CAV2: variants seen among roughly 807,000 people sequenced by gnomAD.
The protein encoded by CAV2 is caveolin-2.
In CAV2, 7 loss-of-function variants were observed where a neutral mutation model predicts 15.5. That is an observed-to-expected ratio of 0.45 (90% CI 0.26 to 0.85). The LOEUF is 0.85. CAV2 is among the 40% of genes least tolerant of loss of function. The pLI is 0.18. For missense variants in CAV2, 229 were observed against 208.8 expected (o/e 1.10, Z -0.60); for synonymous variants, 76 against 83.1 (o/e 0.91, Z 0.46).
Position 116,506,247 on chromosome 7 carries a change from C to A in CAV2, c.*126C>A. ...TAAGAAAACTATTAAGATGAGCAAC[C>A]ACATTTAGAAATGTTTATTGACAGG... On this transcript the variant is annotated 3_prime_UTR_variant, in exon 3 of 3. Coordinates refer to ENST00000222693, the MANE Select transcript of CAV2 (RefSeq NM_001233.5). The A allele has an allele frequency of 1.2e-6, 1 of 860,788 alleles. No homozygotes were observed. The highest frequency in any genetic ancestry group is 1.8e-6 in the Non-Finnish European group (1 of 565,136). 53.3% of individuals were successfully genotyped at this position (860,788 alleles called of 1,614,324 possible). A position where few individuals can be genotyped will look rare whatever the true frequency, so the allele number is the denominator to read the frequency against.
intron 2 of CAV2, among the ~76,000 whole-genome samples, chr7:116,501,933 T>A (rs1481310231): frequency 6.6e-6 from 1 of 152,162 alleles, no homozygotes; most frequent in African/African-American, 2.4e-5. Flanking sequence ...ATTCTGACAT[T>A]TGCACTTGAA....
chr7:116,505,127 A>T (rs979216397), intron 2 of CAV2, among the ~76,000 whole-genome samples: 1 of 152,194 alleles, frequency 6.6e-6, no homozygotes, highest in African/African-American at 2.4e-5. Flanking sequence ...TTGTTTCAGT[A>T]CTTTAGAAAT....
chr7:116,504,699 AC>A (rs1793190664), intron 2 of CAV2, among the ~76,000 whole-genome samples: 2 of 152,184 alleles, frequency 1.3e-5, no homozygotes, highest in South Asian at 4.1e-4. Context: ...TCTCACAACT[AC>A]TTTTGTGCTC....
rs1793248079 is a variant in CAV2, at chr7:116,506,797, T to C, written c.*676T>C. ...TCAGATTGCTTAAAAGCATTTTTAT[T>C]ATATTTATGTTGTTGAACTAATATA... On this transcript the variant is annotated 3_prime_UTR_variant, in exon 3 of 3. Transcript: ENST00000222693. The C allele has an allele frequency of 6.6e-6, 1 of 152,238 alleles. No individual in the cohort carries two copies. Among genetic ancestry groups the C allele is most frequent in the African/African-American group, 2.4e-5 (1 of 41,472 alleles). 9.4% of individuals were successfully genotyped at this position (152,238 alleles called of 1,614,324 possible).
rs1563084197 is a variant in CAV2, at chr7:116,499,833, T to C, written c.52T>C (p.Ser18Pro). ...ADVQLFMDDD[S>P]YSHHSGLEYA... ...CGTACAGCTCTTCATGGACGACGAC[T>C]CCTACAGCCACCACAGCGGCCTCGA... The change falls in exon 1 of 3, where the codon TCC (serine) becomes CCC (proline). Residue 18 changes from serine (S) to proline (P), a missense_variant. Transcript: ENST00000222693. 6.2e-7 allele frequency: 1 copy of C among 1,605,718 alleles called. No individual in the cohort carries two copies. Among genetic ancestry groups the C allele is most frequent in the African/African-American group, 1.3e-5 (1 of 74,862 alleles).
Position 116,508,463 on chromosome 7 carries a change from T to C in CAV2, c.*2342T>C, listed in dbSNP as rs1003390944. ...ATCCAGGCTTTATGTACAAACATGT[T>C]GTTTGTTTTATTTGGGGCTGGGGGA... On this transcript the variant is annotated 3_prime_UTR_variant, in exon 3 of 3. Coordinates refer to ENST00000222693, the MANE Select transcript of CAV2 (RefSeq NM_001233.5). The C allele has an allele frequency of 1.1e-4, 16 of 152,300 alleles. No individual in the cohort carries two copies. Among genetic ancestry groups the C allele is most frequent in the African/African-American group, 3.6e-4 (15 of 41,570 alleles). The allele number at this position is 152,300 out of a possible 1,614,324, so 9.4% of individuals were successfully genotyped here.
chr7:116,506,305 C>A lies in CAV2; in HGVS notation c.*184C>A. The A allele has an allele frequency of 1.8e-6, 1 of 558,472 alleles. No individual in the cohort carries two copies. The highest frequency in any genetic ancestry group is 3.1e-6 in the Non-Finnish European group (1 of 323,784). 34.6% of individuals were successfully genotyped at this position (558,472 alleles called of 1,614,324 possible). On this transcript the variant is annotated 3_prime_UTR_variant, in exon 3 of 3. Transcript: ENST00000222693. ...AAATAATGCTTTTCTAATTAATAGC[C>A]AAAGATTTCATATCTAACTTTGTAA...
chr7:116,500,632 G>C (rs978946379), intron 2 of CAV2, 185 bp downstream of exon 2: 10 of 590,146 alleles, frequency 1.7e-5, no homozygotes, highest in Non-Finnish European at 2.4e-5. Context: ...AACAGTTTGG[G>C]CTTGGAGTTT....
chr7:116,500,487 A>G, intron 2 of CAV2, 40 bp downstream of exon 2: 1 of 1,585,826 alleles, frequency 6.3e-7, no homozygotes. Flanking sequence ...TTTCTGAAAC[A>G]TGGGCATATT....
chr7:116,504,042 G>T (rs13310726), intron 2 of CAV2, among the ~76,000 whole-genome samples: 1 of 112,554 alleles, frequency 8.9e-6, no homozygotes, highest in Non-Finnish European at 2.0e-5. Flanking sequence ...GAAAGAAAAA[G>T]AAAGAAAGAG....
Position 116,500,424 on chromosome 7 carries a change from C to T in CAV2, c.315C>T (p.Ala105=), listed in dbSNP as rs1793074856. The change falls in exon 2 of 3, where the codon GCC becomes GCT. Residue 105 remains alanine, a synonymous_variant. Transcript: ENST00000222693. The part of the protein sequence containing the change: ...PLAFIAGILF[A]TLSCLHIWIL... ...CCTTCATTGCGGGAATTCTCTTTGC[C>T]ACCCTCAGCTGTCTGCACATCTGGT... 6.2e-7 allele frequency: 1 copy of T among 1,613,612 alleles called. No homozygotes were observed. Among genetic ancestry groups the T allele is most frequent in the Non-Finnish European group, 8.5e-7 (1 of 1,179,840 alleles).
rs1251946041 is a variant in CAV2 at position 116,506,820 on chromosome 7, A to G, written c.*699A>G. The stretch of plus-strand genomic sequence containing the variant: ...ATTATATTTATGTTGTTGAACTAAT[A>G]TATGAAATAAGTAAATGTAGCTCCC... On this transcript the variant is annotated 3_prime_UTR_variant, in exon 3 of 3. Transcript: ENST00000222693. The G allele has an allele frequency of 6.6e-6, 1 of 152,248 alleles. No homozygotes were observed. Among genetic ancestry groups the G allele is most frequent in the Non-Finnish European group, 1.5e-5 (1 of 68,038 alleles). The allele number at this position is 152,248 out of a possible 1,614,324, so 9.4% of individuals were successfully genotyped here. A position where few individuals can be genotyped will look rare whatever the true frequency, so the allele number is the denominator to read the frequency against.
At chr7:116,500,069 C>T in intron 1 of CAV2, 138 bp downstream of exon 1, 1 of 1,469,698 alleles carries the variant, frequency 6.8e-7, no homozygotes, top group Non-Finnish European at 9.0e-7. Flanking sequence ...TTCCCCGGTC[C>T]CACCCGTCAC....
At chr7:116,502,793 C>T (rs1793134710) in intron 2 of CAV2, among the ~76,000 whole-genome samples, 1 of 152,090 alleles carries the variant, frequency 6.6e-6, no homozygotes, top group Non-Finnish European at 1.5e-5. Context: ...GGTGTTGGAT[C>T]CTAGACCAGA....
intron 1 of CAV2, 81 bp from the exon 2 acceptor site, chr7:116,500,179 C>T: frequency 6.4e-7 from 1 of 1,551,440 alleles, no homozygotes; most frequent in Non-Finnish European, 8.7e-7. Context: ...TTCCCTCCTG[C>T]TTCCCCCGCC....
In CAV2 at chr7:116,505,355, T is replaced by C. The variant is rs187317866; in HGVS notation, c.339-616T>C. The stretch of plus-strand genomic sequence containing the variant: ...CCAGTAGAAAGAATATTAGTGTTTA[T>C]TATCTACATGACTATATTTTTAGGC... On this transcript the variant is annotated intron_variant, in intron 2 of 2. Transcript: ENST00000222693. Among the ~76,000 whole-genome samples, 444 of 152,360 alleles carry C rather than the reference T, an allele frequency of 2.9e-3. 1 individual carries two copies. Among genetic ancestry groups the C allele is most frequent in the African/African-American group, 9.5e-3 (396 of 41,592 alleles).
rs73457925 is a variant in CAV2 at position 116,502,992 on chromosome 7, C to T, written c.338+2545C>T. On this transcript the variant is annotated intron_variant, in intron 2 of 2. Coordinates refer to ENST00000222693, the MANE Select transcript of CAV2 (RefSeq NM_001233.5). ...AACAAATGCCCAACTGATGGAAATG[C>T]GATAGTAGCAATCTCATTTCTAGAA... Among the ~76,000 whole-genome samples, 863 of 152,094 alleles carry T rather than the reference C, an allele frequency of 5.7e-3. 6 individuals are homozygous for T. Among genetic ancestry groups the T allele is most frequent in the African/African-American group, 0.02 (814 of 41,480 alleles).
At chr7:116,504,241 G>A (rs1442905640) in intron 2 of CAV2, among the ~76,000 whole-genome samples, 3 of 151,986 alleles carry the variant, frequency 2.0e-5, no homozygotes, top group Admixed American at 6.5e-5. Context: ...GGCATTTCAG[G>A]GGTACATAAT....
chr7:116,504,044 AAGAAAG>A (rs746692974), intron 2 of CAV2, among the ~76,000 whole-genome samples: 19 of 113,332 alleles, frequency 1.7e-4, no homozygotes, highest in Non-Finnish European at 3.3e-4. Context: ...AAGAAAAAGA[AAGAAAG>A]AGAAAGAAAG....
Sources: gnomAD v4.1 joint callset for allele counts (sites outside exome capture counted in the v4.1 genomes callset) on GRCh38, gnomAD v4.1.1 for gene constraint, MANE v1.5 for transcripts, NCBI Gene and HGNC (gene_info 2026-07-23, HGNC 2026-07-21) for gene names.